GRAMD1B: variants seen among roughly 807,000 people sequenced by gnomAD.
The protein encoded by GRAMD1B is protein Aster-B.
In GRAMD1B, 37 loss-of-function variants were observed where a neutral mutation model predicts 99.7. That is an observed-to-expected ratio of 0.37 (90% confidence interval 0.29 to 0.49). The LOEUF (loss-of-function observed/expected upper bound fraction) is 0.49. Ranked by LOEUF, GRAMD1B falls within the 20% of genes least tolerant of loss-of-function variation. The pLI, the probability that GRAMD1B is intolerant of heterozygous loss-of-function variation, is 0.98. For missense variants in GRAMD1B, 888 were observed against 1,009.2 expected, an observed-to-expected ratio of 0.88 and a Z score of 1.63; for synonymous variants, 427 against 387.6, an observed-to-expected ratio of 1.10 and a Z score of -1.19.
rs147478047 is a variant in GRAMD1B at position 123,585,177 on chromosome 11, C to T, written c.684+845C>T. On this transcript the variant is annotated intron_variant, in intron 4 of 19. Transcript: ENST00000635736. ...AAGCCATCTTTGCCCCCTCCCCGGACACACCAGGTTCTGCTGCAGCAGGAG... is the reference window on the plus strand; with the variant it reads ...AAGCCATCTTTGCCCCCTCCCCGGATACACCAGGTTCTGCTGCAGCAGGAG... 3.4e-3 allele frequency among the ~76,000 whole-genome samples: 523 copies of T among 152,310 alleles called. 5 individuals carry two copies. Among genetic ancestry groups the T allele is most frequent in the South Asian group, 0.014 (68 of 4,824 alleles).
intron 2 of GRAMD1B, among the ~76,000 whole-genome samples, chr11:123,538,241 T>A (rs1224346434): frequency 1.3e-5 from 2 of 152,146 alleles, no homozygotes; most frequent in Non-Finnish European, 2.9e-5. Context: ...TTGTTCTTCC[T>A]CACTCTCCAT....
At chr11:123,406,646 G>C (rs1947867241) in intron 1 of GRAMD1B, among the ~76,000 whole-genome samples, 1 of 152,172 alleles carries the variant, frequency 6.6e-6, no homozygotes, top group Admixed American at 6.6e-5. Context: ...GAGTGTTATT[G>C]TTTAACTTCT....
chr11:123,577,388 C>A lies in GRAMD1B; in HGVS notation c.474C>A (p.Arg158=). 1 of 1,589,980 alleles carries A rather than the reference C, an allele frequency of 6.3e-7. No homozygotes were observed. The highest frequency in any genetic ancestry group is 8.6e-7 in the Non-Finnish European group (1 of 1,168,706). ...REESTASNSN[R]STPACSPILR... is the part of the protein sequence containing the mutation. ...GCAGCACTGCCAGTAACTCCAACCG[C>A]AGCACGCCGGCCTGCTCGCCCATCC... Residue 158 remains arginine (R), a synonymous_variant, in exon 3 of 20, where the codon CGC becomes CGA. Coordinates refer to ENST00000635736, the MANE Select transcript of GRAMD1B (RefSeq NM_001387025.1).
At chr11:123,580,463 C>T (rs1057360648) in intron 3 of GRAMD1B, among the ~76,000 whole-genome samples, 1 of 152,218 alleles carries the variant, frequency 6.6e-6, no homozygotes, top group African/African-American at 2.4e-5. Flanking sequence ...CTAGAGGACA[C>T]CATGCCTTAT....
intron 1 of GRAMD1B, among the ~76,000 whole-genome samples, chr11:123,476,113 T>G (rs1006355885): frequency 1.3e-5 from 2 of 152,038 alleles, no homozygotes; most frequent in Admixed American, 1.3e-4. Flanking sequence ...AACTTCTTTT[T>G]TTTTTTTTTG....
chr11:123,478,850 C>A (rs187295739), intron 1 of GRAMD1B, among the ~76,000 whole-genome samples: 221 of 152,238 alleles, frequency 1.5e-3, no homozygotes, highest in African/African-American at 5.2e-3. Flanking sequence ...ACAGTGTAGA[C>A]CCTGCTTCTG....
chr11:123,362,961 T>G (rs532490158), intron 1 of GRAMD1B, among the ~76,000 whole-genome samples: 68 of 145,196 alleles, frequency 4.7e-4, no homozygotes, highest in East Asian at 1.4e-3. Context: ...GAGGGGAGGG[T>G]AGGGTGGCGG....
rs1040642817 is a variant in GRAMD1B at position 123,561,931 on chromosome 11, G to A, written c.453-15436G>A. ...GGCCATGATTAAAAAGTAGTGCCCC[G>A]TGAGGATTGGGGGTGGGTAGGGAGT... On this transcript the variant is annotated intron_variant, in intron 2 of 19. Coordinates refer to ENST00000635736, the MANE Select transcript of GRAMD1B (RefSeq NM_001387025.1). Among the ~76,000 whole-genome samples, 5 of 152,330 alleles carry A rather than the reference G, an allele frequency of 3.3e-5. No individual in the cohort carries two copies. The East Asian group carries it at 5.8e-4, about 18-fold the overall frequency.
At chr11:123,603,651 T>C (rs1952293789) in intron 9 of GRAMD1B, 110 bp downstream of exon 9, 1 of 725,838 alleles carries the variant, frequency 1.4e-6, no homozygotes, top group Non-Finnish European at 2.5e-6. Context: ...TGGAATGAAC[T>C]GTGGAATGAA....
chr11:123,469,811 C>CCTTCCTTCCTTCCTTCCTTCCTTA (rs1565526250), intron 1 of GRAMD1B, among the ~76,000 whole-genome samples: 1 of 122,452 alleles, frequency 8.2e-6, no homozygotes, highest in Non-Finnish European at 1.7e-5. Context: ...TTCCTTCCTT[C>CCTTCCTTCCTTCCTTCCTTCCTTA]CTCTCTTTTT....
intron 2 of GRAMD1B, among the ~76,000 whole-genome samples, chr11:123,500,208 C>T (rs1331943980): frequency 6.6e-6 from 1 of 152,182 alleles, no homozygotes; most frequent in African/African-American, 2.4e-5. Context: ...GTAGTCCCAG[C>T]TACTTGGGAG....
At chr11:123,582,627 G>A (rs55870190) in intron 3 of GRAMD1B, among the ~76,000 whole-genome samples, 12,545 of 152,216 alleles carry the variant, frequency 0.082, 696 homozygotes, top group Non-Finnish European at 0.13. Context: ...CCACCCACGC[G>A]AGGCCCCTCA....
intron 2 of GRAMD1B, chr11:123,560,675 G>A (rs2135993924): frequency 2.2e-6 from 1 of 451,170 alleles, no homozygotes; most frequent in Non-Finnish European, 4.4e-6. Flanking sequence ...TCGTGCTGAC[G>A]CCTGGTGCGT....
chr11:123,534,890 G>T (rs1431349337), intron 2 of GRAMD1B, among the ~76,000 whole-genome samples: 1 of 151,822 alleles, frequency 6.6e-6, no homozygotes, highest in African/African-American at 2.4e-5. Context: ...TAATGAGGGG[G>T]TCTCAGGCAA....
At chr11:123,462,107 C>T (rs548433996) in intron 1 of GRAMD1B, among the ~76,000 whole-genome samples, 1 of 152,056 alleles carries the variant, frequency 6.6e-6, no homozygotes, top group African/African-American at 2.4e-5. Context: ...GCTGGGACCA[C>T]AGGCGCCCGC....
chr11:123,387,645 C>T (rs1277419485), intron 1 of GRAMD1B, among the ~76,000 whole-genome samples: 16 of 152,106 alleles, frequency 1.1e-4, no homozygotes. Flanking sequence ...TCCAGCATTT[C>T]CAGACATCTC....
At chr11:123,594,056 T>C in intron 4 of GRAMD1B, 26 bp from the exon 5 acceptor site, 1 of 1,518,222 alleles carries the variant, frequency 6.6e-7, no homozygotes, top group Non-Finnish European at 9.2e-7. Context: ...GGGTACATCC[T>C]ACTAACCTTG....
At chr11:123,394,456 TGCAATTGCA>T (rs1283079844) in intron 1 of GRAMD1B, among the ~76,000 whole-genome samples, 1 of 152,228 alleles carries the variant, frequency 6.6e-6, no homozygotes, top group Non-Finnish European at 1.5e-5. Context: ...TCTTCAAGGC[TGCAATTGCA>T]GCCTCCTCCC....
intron 2 of GRAMD1B, among the ~76,000 whole-genome samples, chr11:123,575,608 C>T (rs1172390966): frequency 2.6e-5 from 4 of 152,078 alleles, no homozygotes; most frequent in Non-Finnish European, 5.9e-5. Flanking sequence ...CTTGAGTTGG[C>T]CCTAGAGCAA....
Sources: gnomAD v4.1 joint callset for allele counts (sites outside exome capture counted in the v4.1 genomes callset) on GRCh38, gnomAD v4.1.1 for gene constraint, MANE v1.5 for transcripts, NCBI Gene and HGNC (gene_info 2026-07-23, HGNC 2026-07-21) for gene names.